BRWD3: variants seen among roughly 807,000 people sequenced by gnomAD.
BRWD3 encodes the protein bromodomain and WD repeat domain containing 3.
BRWD3 carries 10 observed loss-of-function variants against 149.7 expected under a neutral mutation model. The observed-to-expected ratio is 0.07, with a 90% CI of 0.04 to 0.11. BRWD3 has a LOEUF of 0.11. Ranked by LOEUF, BRWD3 falls within the 10% of genes least tolerant of loss-of-function variation. The pLI is 1.00. For missense variants in BRWD3, 940 were observed against 1,373.2 expected, an observed-to-expected ratio of 0.68 and a Z score of 4.99; for synonymous variants, 504 against 456.7, an observed-to-expected ratio of 1.10 and a Z score of -1.32.
At chrX:80,706,720 C>G (rs1192260793) in intron 22 of BRWD3, among the ~76,000 whole-genome samples, 1 of 112,357 alleles carries the variant, frequency 8.9e-6, no homozygotes, top group Non-Finnish European at 1.9e-5. Context: ...CAAGTACACT[C>G]TAAAATAACA....
At chrX:80,741,179 G>A (rs1313022337) in intron 8 of BRWD3, among the ~76,000 whole-genome samples, 4 of 110,701 alleles carry the variant, frequency 3.6e-5, no homozygotes, top group East Asian at 2.8e-4. Flanking sequence ...TTGTCCTTGC[G>A]ATAGTTTGCA....
Position 80,674,552 on chromosome X carries a change from G to C in BRWD3, c.*2057C>G, listed in dbSNP as rs189195485. Reference sequence around the variant, plus strand: ...AATACAGGCACAATTTAGTCTAAATGCCCAAGAGATAAATAACCGAAACAG... The same window carrying C: ...AATACAGGCACAATTTAGTCTAAATCCCCAAGAGATAAATAACCGAAACAG... On this transcript the variant is annotated 3_prime_UTR_variant, in exon 41 of 41. Coordinates refer to ENST00000373275, the MANE Select transcript of BRWD3 (RefSeq NM_153252.5). 2.7e-5 allele frequency: 3 copies of C among 111,621 alleles called. No homozygotes were observed. The Admixed American group carries it at 2.9e-4, about 11-fold the overall frequency. 9.2% of individuals were successfully genotyped at this position (111,621 alleles called of 1,213,427 possible).
chrX:80,791,794 A>T, intron 6 of BRWD3, 60 bp downstream of exon 6: 1 of 890,545 alleles, frequency 1.1e-6, no homozygotes, highest in Non-Finnish European at 1.6e-6. Flanking sequence ...TTGTCTTCCT[A>T]ATGAGTTCAG....
At chrX:80,777,154 C>G (rs189371388) in intron 6 of BRWD3, among the ~76,000 whole-genome samples, 80 of 108,919 alleles carry the variant, frequency 7.3e-4, no homozygotes, top group Middle Eastern at 4.7e-3. Flanking sequence ...CCCCCCCCCA[C>G]GAAAAACCTC....
intron 21 of BRWD3, among the ~76,000 whole-genome samples, chrX:80,708,394 CTTT>C (rs749740989): frequency 1.9e-5 from 1 of 53,454 alleles, no homozygotes. Context: ...AGACTCTTGT[CTTT>C]TTTTTTTTTT....
At chrX:80,728,439 C>T (rs940311385) in intron 14 of BRWD3, among the ~76,000 whole-genome samples, 5 of 111,229 alleles carry the variant, frequency 4.5e-5, no homozygotes, top group Admixed American at 9.6e-5. Context: ...ACCCCTATAA[C>T]GGTAACAATG....
chrX:80,732,882 G>T (rs771321216), intron 12 of BRWD3, among the ~76,000 whole-genome samples: 1 of 112,090 alleles, frequency 8.9e-6, no homozygotes, highest in East Asian at 2.8e-4. Flanking sequence ...GCTCACGCCT[G>T]TAATCCCAGC....
chrX:80,721,060 G>A (rs548450116), intron 17 of BRWD3, among the ~76,000 whole-genome samples: 4 of 112,160 alleles, frequency 3.6e-5, no homozygotes, highest in African/African-American at 9.7e-5. Flanking sequence ...GAAAGAAGTC[G>A]AAATGATGAT....
At chrX:80,807,729 T>G (rs2074361774) in intron 4 of BRWD3, among the ~76,000 whole-genome samples, 1 of 111,886 alleles carries the variant, frequency 8.9e-6, no homozygotes, top group African/African-American at 3.3e-5. Flanking sequence ...GACCAATGCC[T>G]TTGGTCCTTC....
chrX:80,687,449 A>G (rs2072546294), intron 34 of BRWD3, among the ~76,000 whole-genome samples: 1 of 110,976 alleles, frequency 9.0e-6, no homozygotes, highest in Non-Finnish European at 1.9e-5. Context: ...TTTTGTTACG[A>G]TCTCTTTCAG....
intron 6 of BRWD3, among the ~76,000 whole-genome samples, chrX:80,760,315 A>T (rs111303810): frequency 0.018 from 2,012 of 111,843 alleles, 45 homozygotes; most frequent in African/African-American, 0.061. Flanking sequence ...AACATCAATT[A>T]TAAGTGCTAA....
intron 21 of BRWD3, among the ~76,000 whole-genome samples, chrX:80,708,406 T>G (rs1278163539): frequency 9.5e-6 from 1 of 105,620 alleles, no homozygotes; most frequent in Non-Finnish European, 1.9e-5. Flanking sequence ...TTTTTTTTTT[T>G]TTTTAAAGGG....
chrX:80,692,613 GTAAAT>G (rs1376287212), intron 28 of BRWD3, among the ~76,000 whole-genome samples: 1 of 112,174 alleles, frequency 8.9e-6, no homozygotes, highest in African/African-American at 3.2e-5. Flanking sequence ...ACTTTAAGTA[GTAAAT>G]TAGTTTCCAT....
intron 5 of BRWD3, among the ~76,000 whole-genome samples, chrX:80,792,326 T>C (rs1169036809): frequency 3.6e-5 from 4 of 112,155 alleles, no homozygotes; most frequent in African/African-American, 9.7e-5. Context: ...GATATAACTA[T>C]AGCACAAGTA....
intron 24 of BRWD3, 77 bp from the exon 25 acceptor site, chrX:80,700,141 A>C: frequency 8.6e-6 from 6 of 697,023 alleles, no homozygotes; most frequent in Non-Finnish European, 1.3e-5. Flanking sequence ...TCCTACAAAC[A>C]TCCTCTTCTG....
intron 17 of BRWD3, among the ~76,000 whole-genome samples, chrX:80,721,823 G>A (rs957692295): frequency 6.3e-5 from 7 of 111,394 alleles, no homozygotes; most frequent in African/African-American, 2.3e-4. Flanking sequence ...TAGGTAAATA[G>A]CTACCTCCAG....
At chrX:80,725,482 A>G (rs1431047005) in intron 14 of BRWD3, among the ~76,000 whole-genome samples, 1 of 112,311 alleles carries the variant, frequency 8.9e-6, no homozygotes, top group Admixed American at 9.4e-5. Flanking sequence ...GTATTTTAGT[A>G]GGTCCCATGA....
In BRWD3 at chrX:80,670,705, T is replaced by G. The variant is rs2147660627; in HGVS notation, c.*5904A>C. On this transcript the variant is annotated 3_prime_UTR_variant, in exon 41 of 41. Transcript: ENST00000373275. ...AAAATGCTGAGATTATAAACGTGAG[T>G]CACTGTGCCTGGCCTTAACCAAAAA... The G allele has an allele frequency of 9.0e-6, 1 of 111,339 alleles. No homozygotes were observed. Among genetic ancestry groups the G allele is most frequent in the Admixed American group, 9.6e-5 (1 of 10,420 alleles). 9.2% of individuals were successfully genotyped at this position (111,339 alleles called of 1,213,427 possible).
intron 6 of BRWD3, 28 bp downstream of exon 6, chrX:80,791,826 G>A: frequency 1.9e-6 from 2 of 1,070,626 alleles, no homozygotes. Flanking sequence ...TCAACAATCT[G>A]TTTATAACAC....
Sources: allele counts gnomAD v4.1 joint callset (sites outside exome capture counted in the v4.1 genomes callset), GRCh38; gene constraint gnomAD v4.1.1; transcripts MANE v1.5; gene names NCBI Gene and HGNC (gene_info 2026-07-23, HGNC 2026-07-21).